Variants in NRXN3 observed in about 807,000 individuals in gnomAD.
NRXN3 encodes neurexin III.
NRXN3 carries 32 observed loss-of-function variants against 137.6 expected under a neutral mutation model. The observed-to-expected ratio is 0.23, with a 90% CI of 0.18 to 0.31. The LOEUF (loss-of-function observed/expected upper bound fraction) is 0.31. Ranked by LOEUF, NRXN3 falls within the 10% of genes least tolerant of loss-of-function variation. The pLI is 1.00. For missense variants in NRXN3, 1,574 were observed against 2,062.5 expected (o/e 0.76, Z 4.59); for synonymous variants, 798 against 784.5 (o/e 1.02, Z -0.29).
At chr14:79,501,462 A>G (rs2096825705) in intron 16 of NRXN3, among the ~76,000 whole-genome samples, 1 of 152,158 alleles carries the variant, frequency 6.6e-6, no homozygotes, top group Non-Finnish European at 1.5e-5. Flanking sequence ...GGAATCATTC[A>G]CTTGATGAAG....
intron 20 of NRXN3, among the ~76,000 whole-genome samples, chr14:79,830,137 G>A (rs972806838): frequency 2.0e-5 from 3 of 152,198 alleles, no homozygotes; most frequent in Non-Finnish European, 4.4e-5. Context: ...GGCATGACTT[G>A]TCCAGACAAG....
chr14:79,548,362 A>G (rs1292848956), intron 16 of NRXN3, among the ~76,000 whole-genome samples: 2 of 152,202 alleles, frequency 1.3e-5, no homozygotes, highest in African/African-American at 4.8e-5. Flanking sequence ...TGCAAAGGAC[A>G]TGAAGTCATT....
chr14:79,284,343 C>CATATATATATATATATATAT (rs60596302), intron 15 of NRXN3, among the ~76,000 whole-genome samples: 10 of 65,100 alleles, frequency 1.5e-4, no homozygotes, highest in Middle Eastern at 0.011. Flanking sequence ...ACTAAAAATA[C>CATATATATATATATATATAT]ATATATATAT....
At chr14:78,585,650 T>TG (rs1256167525) in intron 4 of NRXN3, among the ~76,000 whole-genome samples, 2 of 151,908 alleles carry the variant, frequency 1.3e-5, no homozygotes, top group Non-Finnish European at 2.9e-5. Flanking sequence ...TAATTGGGTC[T>TG]GGGGTATGAG....
At chr14:78,187,534 A>T (rs1474995066) in intron 1 of NRXN3, among the ~76,000 whole-genome samples, 1 of 152,102 alleles carries the variant, frequency 6.6e-6, no homozygotes, top group Non-Finnish European at 1.5e-5. Context: ...ACATGGTCTG[A>T]TGTTAGAATC....
intron 10 of NRXN3, among the ~76,000 whole-genome samples, chr14:78,816,354 A>G (rs920295395): frequency 6.6e-6 from 1 of 152,110 alleles, no homozygotes; most frequent in African/African-American, 2.4e-5. Flanking sequence ...TATACAACAT[A>G]TAATTATATC....
At chr14:78,647,792 T>G (rs1179361761) in intron 5 of NRXN3, among the ~76,000 whole-genome samples, 1 of 152,248 alleles carries the variant, frequency 6.6e-6, no homozygotes, top group South Asian at 2.1e-4. Flanking sequence ...TATAAGATTA[T>G]TATTTTGTCC....
At chr14:79,823,950 A>G in intron 20 of NRXN3, 1 of 442,560 alleles carries the variant, frequency 2.3e-6, no homozygotes, top group Non-Finnish European at 4.6e-6. Context: ...AGCAGTGGGC[A>G]CAAGCTATCC....
intron 15 of NRXN3, among the ~76,000 whole-genome samples, chr14:79,291,581 GTCTT>G (rs2083210262): frequency 6.7e-6 from 1 of 148,478 alleles, no homozygotes. Flanking sequence ...GTTGCCTAAG[GTCTT>G]ATAGGTAATA....
intron 8 of NRXN3, among the ~76,000 whole-genome samples, chr14:78,747,766 C>T (rs1383531838): frequency 1.3e-5 from 2 of 152,144 alleles, no homozygotes; most frequent in African/African-American, 2.4e-5. Flanking sequence ...ACACAATCGG[C>T]CTCTCTTAAC....
chr14:79,523,776 C>A (rs904651542), intron 16 of NRXN3, among the ~76,000 whole-genome samples: 1 of 152,198 alleles, frequency 6.6e-6, no homozygotes, highest in Non-Finnish European at 1.5e-5. Flanking sequence ...TGTAACTTCA[C>A]AAGAATCTGT....
chr14:78,436,388 G>A (rs74708262), intron 4 of NRXN3, among the ~76,000 whole-genome samples: 8,195 of 152,198 alleles, frequency 0.054, 547 homozygotes, highest in African/African-American at 0.15. Context: ...ATTCCTCAGT[G>A]CAACCACACA....
chr14:79,466,185 C>T (rs896350762), intron 15 of NRXN3, among the ~76,000 whole-genome samples: 6 of 152,010 alleles, frequency 3.9e-5, no homozygotes, highest in African/African-American at 1.4e-4. Flanking sequence ...GATGTTTTTT[C>T]TGTTTCTTGT....
rs1318775355 is a variant in NRXN3 at position 79,644,421 on chromosome 14, AAG to A, written c.3445-19353_3445-19352del. ...TATAATGAGAGCAGAGAACTGGATA[AAG>A]AGATGTCTGGATCTATTTTTGGCTG... On this transcript the variant is annotated intron_variant, in intron 16 of 20. Transcript: ENST00000335750. Among the ~76,000 whole-genome samples, 4 of 135,728 alleles carry A rather than the reference AAG, an allele frequency of 2.9e-5. 1 individual carries two copies. The highest frequency in any genetic ancestry group is 2.3e-4 in the South Asian group (1 of 4,358). 89.0% of individuals were successfully genotyped at this position (135,728 alleles called of 152,430 possible). A position where few individuals can be genotyped will look rare whatever the true frequency, so the allele number is the denominator to read the frequency against.
Position 78,926,727 on chromosome 14 carries a change from A to G in NRXN3, c.2276-30515A>G, listed in dbSNP as rs1169482469. 7.7e-5 allele frequency among the ~76,000 whole-genome samples: 6 copies of G among 77,640 alleles called. No homozygotes were observed. The East Asian group carries it at 2.3e-3, about 29-fold the overall frequency. 50.9% of individuals were successfully genotyped at this position (77,640 alleles called of 152,430 possible). A position where few individuals can be genotyped will look rare whatever the true frequency, so the allele number is the denominator to read the frequency against. On this transcript the variant is annotated intron_variant, in intron 10 of 20. Coordinates refer to ENST00000335750, the MANE Select transcript of NRXN3 (RefSeq NM_001330195.2). ...TATATTATATATTATATAATTATATATAATATAAAATATATATTATATATT... is the reference window on the plus strand; with the variant it reads ...TATATTATATATTATATAATTATATGTAATATAAAATATATATTATATATT...
At chr14:79,223,425 C>A (rs927556041) in intron 15 of NRXN3, among the ~76,000 whole-genome samples, 1 of 152,244 alleles carries the variant, frequency 6.6e-6, no homozygotes, top group South Asian at 2.1e-4. Context: ...ATTCTCTTAT[C>A]CTGTTCATTT....
intron 15 of NRXN3, among the ~76,000 whole-genome samples, chr14:79,172,394 G>T (rs931190048): frequency 6.6e-6 from 1 of 151,984 alleles, no homozygotes; most frequent in African/African-American, 2.4e-5. Flanking sequence ...TTGCCTTATG[G>T]CATTTACCTT....
intron 15 of NRXN3, among the ~76,000 whole-genome samples, chr14:79,300,892 G>A (rs1455153173): frequency 6.6e-6 from 1 of 151,954 alleles, no homozygotes; most frequent in Non-Finnish European, 1.5e-5. Flanking sequence ...AGAAAATAAA[G>A]ATTTGGGAAA....
At chr14:79,434,827 A>T (rs958987749) in intron 15 of NRXN3, among the ~76,000 whole-genome samples, 3 of 152,214 alleles carry the variant, frequency 2.0e-5, no homozygotes, top group Non-Finnish European at 4.4e-5. Flanking sequence ...CTCTGAAGTT[A>T]GGTTGTCCCT....
Sources: allele counts gnomAD v4.1 joint callset (sites outside exome capture counted in the v4.1 genomes callset), GRCh38; gene constraint gnomAD v4.1.1; transcripts MANE v1.5; gene names NCBI Gene and HGNC (gene_info 2026-07-23, HGNC 2026-07-21).